Variants in CCDC148 observed in about 807,000 individuals in gnomAD.
CCDC148 encodes the protein coiled-coil domain-containing protein 148.
CCDC148 carries 89 observed loss-of-function variants against 85.7 expected under a neutral mutation model. The observed-to-expected ratio is 1.04, with a 90% CI of 0.87 to 1.24. The LOEUF is 1.24. Among genes scored for constraint, CCDC148 ranks in the 50% most tolerant of loss-of-function variants. CCDC148 has a pLI of 0.00. For missense variants in CCDC148, 692 were observed against 671.7 expected, an observed-to-expected ratio of 1.03 and a Z score of -0.33; for synonymous variants, 230 against 213.9, an observed-to-expected ratio of 1.08 and a Z score of -0.66.
intron 8 of CCDC148, 64 bp downstream of exon 8, chr2:158,313,692 C>A (rs951379885): frequency 2.7e-6 from 4 of 1,472,688 alleles, no homozygotes; most frequent in Non-Finnish European, 2.8e-6. Context: ...ATGTACATTG[C>A]TTAATAATTA....
At chr2:158,219,794 T>C (rs1216206546) in intron 11 of CCDC148, among the ~76,000 whole-genome samples, 1 of 152,200 alleles carries the variant, frequency 6.6e-6, no homozygotes, top group East Asian at 1.9e-4. Context: ...GTCATAACCA[T>C]AGCTTCCACA....
chr2:158,256,738 C>T (rs1689027348), intron 9 of CCDC148, among the ~76,000 whole-genome samples: 1 of 151,800 alleles, frequency 6.6e-6, no homozygotes. Flanking sequence ...CACACTTCAT[C>T]TGCCTAACTT....
rs116123858 is a variant in CCDC148, at chr2:158,273,949, C to A, written c.1111-23037G>T. On this transcript the variant is annotated intron_variant, in intron 9 of 13. Coordinates refer to ENST00000283233, the MANE Select transcript of CCDC148 (RefSeq NM_138803.4). ...TCCCCAGAAAAGAGGATAGTGTTTT[C>A]TTTGCAACTCCCTGGCCCTTCCTCT... Among the ~76,000 whole-genome samples, 900 of 152,288 alleles carry A rather than the reference C, an allele frequency of 5.9e-3. 6 individuals carry two copies. The highest frequency in any genetic ancestry group is 0.02 in the African/African-American group (848 of 41,570).
At chr2:158,226,136 C>T (rs949140855) in intron 10 of CCDC148, among the ~76,000 whole-genome samples, 19 of 152,084 alleles carry the variant, frequency 1.2e-4, no homozygotes, top group African/African-American at 4.3e-4. Context: ...ACCACCTATC[C>T]CACAGAAATA....
chr2:158,183,582 A>G (rs1558963588), intron 11 of CCDC148, among the ~76,000 whole-genome samples: 1 of 152,158 alleles, frequency 6.6e-6, no homozygotes, highest in Non-Finnish European at 1.5e-5. Context: ...GAAACAAACA[A>G]AAAACTTAAG....
chr2:158,232,543 G>A (rs187200062), intron 10 of CCDC148, among the ~76,000 whole-genome samples: 1 of 152,196 alleles, frequency 6.6e-6, no homozygotes, highest in Admixed American at 6.5e-5. Flanking sequence ...CACATAGGAA[G>A]CAGAAAGTTA....
chr2:158,241,182 T>C (rs909727650), intron 10 of CCDC148, among the ~76,000 whole-genome samples: 7 of 152,354 alleles, frequency 4.6e-5, no homozygotes, highest in African/African-American at 1.7e-4. Context: ...ACACTCTACA[T>C]GTGTGTGTAC....
At chr2:158,294,610 G>C (rs752583521) in intron 9 of CCDC148, among the ~76,000 whole-genome samples, 1 of 152,048 alleles carries the variant, frequency 6.6e-6, no homozygotes, top group Non-Finnish European at 1.5e-5. Context: ...GATCTCTTGA[G>C]GTCAGTAGTT....
chr2:158,434,040 G>C (rs897171009), intron 1 of CCDC148, among the ~76,000 whole-genome samples: 1 of 152,134 alleles, frequency 6.6e-6, no homozygotes, highest in Non-Finnish European at 1.5e-5. Flanking sequence ...TCCACCTCTG[G>C]GGGCACAGCC....
chr2:158,211,088 G>A (rs563681472), intron 11 of CCDC148, among the ~76,000 whole-genome samples: 20 of 152,052 alleles, frequency 1.3e-4, no homozygotes, highest in South Asian at 8.3e-4. Context: ...TAATGTAGAC[G>A]GTGGGTTGAT....
chr2:158,289,106 T>G (rs1332117602), intron 9 of CCDC148, among the ~76,000 whole-genome samples: 2 of 152,176 alleles, frequency 1.3e-5, no homozygotes, highest in Non-Finnish European at 2.9e-5. Flanking sequence ...AGAGATACAA[T>G]TCAACTTGAG....
chr2:158,261,978 C>G (rs1689244159), intron 9 of CCDC148, among the ~76,000 whole-genome samples: 1 of 151,972 alleles, frequency 6.6e-6, no homozygotes, highest in South Asian at 2.1e-4. Context: ...GAGCTAAAAG[C>G]AGAACTACCA....
chr2:158,314,992 T>C (rs1416678080), intron 7 of CCDC148, among the ~76,000 whole-genome samples: 1 of 152,084 alleles, frequency 6.6e-6, no homozygotes, highest in Non-Finnish European at 1.5e-5. Flanking sequence ...TTCTGATAAG[T>C]AGCAAGAAAG....
chr2:158,203,838 G>C (rs1686093336), intron 11 of CCDC148, among the ~76,000 whole-genome samples: 1 of 152,152 alleles, frequency 6.6e-6, no homozygotes, highest in Non-Finnish European at 1.5e-5. Context: ...AAGTGGAAGA[G>C]ATTTAAACAT....
chr2:158,261,207 C>T (rs955209194), intron 9 of CCDC148, among the ~76,000 whole-genome samples: 1 of 151,782 alleles, frequency 6.6e-6, no homozygotes, highest in African/African-American at 2.4e-5. Flanking sequence ...AGCCCAGAAA[C>T]AAGGATGCAC....
intron 9 of CCDC148, among the ~76,000 whole-genome samples, chr2:158,278,683 C>G (rs1690092096): frequency 1.3e-5 from 2 of 152,276 alleles, no homozygotes; most frequent in Admixed American, 1.3e-4. Context: ...TCTGTAGGCT[C>G]CGCCTCTGGG....
At chr2:158,318,007 C>T (rs988320454) in intron 7 of CCDC148, among the ~76,000 whole-genome samples, 2 of 152,158 alleles carry the variant, frequency 1.3e-5, no homozygotes, top group African/African-American at 4.8e-5. Flanking sequence ...ACAGACCATC[C>T]TCTTGTCTGG....
intron 1 of CCDC148, among the ~76,000 whole-genome samples, chr2:158,438,883 C>G (rs543559025): frequency 2.0e-5 from 3 of 152,054 alleles, no homozygotes; most frequent in African/African-American, 7.2e-5. Flanking sequence ...AAATGCTCAT[C>G]ATCACTGGCC....
chr2:158,336,065 G>A (rs1378083041), intron 7 of CCDC148, among the ~76,000 whole-genome samples: 3 of 152,152 alleles, frequency 2.0e-5, no homozygotes, highest in Non-Finnish European at 4.4e-5. Context: ...GTGCACAACT[G>A]TCTAAACTAT....
Sources: allele counts gnomAD v4.1 joint callset (sites outside exome capture counted in the v4.1 genomes callset), GRCh38; gene constraint gnomAD v4.1.1; transcripts MANE v1.5; gene names NCBI Gene and HGNC (gene_info 2026-07-23, HGNC 2026-07-21).